Variants in KCNT1 observed in about 807,000 individuals in gnomAD.
The protein encoded by KCNT1 is potassium sodium-activated channel subfamily T member 1.
KCNT1 carries 78 observed loss-of-function variants against 147.8 expected under a neutral mutation model. That is an observed-to-expected ratio of 0.53 (90% confidence interval 0.44 to 0.64). The LOEUF (loss-of-function observed/expected upper bound fraction) is 0.64, where lower values mean the gene tolerates loss of function less well. Among genes scored for constraint, KCNT1 ranks in the 30% least tolerant of loss-of-function variants. The probability of loss-of-function intolerance (pLI) is 0.00; values close to 1 mark genes in which losing one functional copy is unlikely to be tolerated. For synonymous variants in KCNT1, 867 were observed against 748.8 expected, an observed-to-expected ratio of 1.16 and a Z score of -2.58; for missense variants, 1,419 against 1,750.3, an observed-to-expected ratio of 0.81 and a Z score of 3.38.
intron 2 of KCNT1, among the ~76,000 whole-genome samples, chr9:135,728,523 T>A (rs1387257450): frequency 6.6e-6 from 1 of 152,054 alleles, no homozygotes; most frequent in Non-Finnish European, 1.5e-5. Flanking sequence ...CCTGATTAGG[T>A]CTCCCAAGAC....
At position 135,750,180 on chromosome 9, in the gene KCNT1, G is replaced by A. The variant is rs538356990; in HGVS notation, c.334+3G>A. The A allele has an allele frequency of 5.6e-6, 9 of 1,612,848 alleles. No individual in the cohort carries two copies. Among genetic ancestry groups the A allele is most frequent in the South Asian group, 3.3e-5 (3 of 91,036 alleles). ...CTTCATCAAAAACCAAAGATCGAGTGAGTGGGGTGCCTGGAGGGCCACTCC... is the reference window on the plus strand; with the variant it reads ...CTTCATCAAAAACCAAAGATCGAGTAAGTGGGGTGCCTGGAGGGCCACTCC... On this transcript the variant is annotated splice_donor_region_variant and intron_variant, in intron 3 of 30. Coordinates refer to ENST00000371757, the MANE Select transcript of KCNT1 (RefSeq NM_020822.3).
At chr9:135,721,028 T>C (rs1835903261) in intron 2 of KCNT1, among the ~76,000 whole-genome samples, 1 of 151,934 alleles carries the variant, frequency 6.6e-6, no homozygotes, top group Non-Finnish European at 1.5e-5. Flanking sequence ...GCAGTGGTGG[T>C]TTAGGGGCCG....
At chr9:135,718,081 G>T (rs117327065) in intron 2 of KCNT1, among the ~76,000 whole-genome samples, 1 of 152,220 alleles carries the variant, frequency 6.6e-6, no homozygotes, top group Admixed American at 6.5e-5. Context: ...GGGATCAGCC[G>T]CTTGGAGGAC....
At chr9:135,724,240 C>T (rs1017611749) in intron 2 of KCNT1, among the ~76,000 whole-genome samples, 3 of 152,234 alleles carry the variant, frequency 2.0e-5, no homozygotes, top group African/African-American at 7.2e-5. Context: ...TGCTTTTCAT[C>T]CCCGGAGGCC....
At chr9:135,785,235 C>G (rs1422704407) in intron 27 of KCNT1, 75 bp from the exon 28 acceptor site, 1 of 1,591,022 alleles carries the variant, frequency 6.3e-7, no homozygotes, top group Non-Finnish European at 8.6e-7. Context: ...ATGTTCCGTG[C>G]AGACCCCAGG....
chr9:135,705,774 T>C (rs140525080), intron 1 of KCNT1, among the ~76,000 whole-genome samples: 1 of 152,196 alleles, frequency 6.6e-6, no homozygotes, highest in South Asian at 2.1e-4. Context: ...AGACCAGTAC[T>C]AGCAGCTGGC....
At chr9:135,706,407 GC>G (rs1212710382) in intron 1 of KCNT1, among the ~76,000 whole-genome samples, 2 of 152,250 alleles carry the variant, frequency 1.3e-5, no homozygotes, top group Non-Finnish European at 2.9e-5. Flanking sequence ...ATGGCCCACG[GC>G]CCCCAGGGGT....
At chr9:135,709,472 G>A (rs577561713) in intron 1 of KCNT1, among the ~76,000 whole-genome samples, 3 of 152,218 alleles carry the variant, frequency 2.0e-5, no homozygotes, top group Non-Finnish European at 4.4e-5. Flanking sequence ...GAGGACCCAC[G>A]ATTCCATCAT....
intron 6 of KCNT1, 75 bp from the exon 7 acceptor site, chr9:135,756,798 C>T (rs1036899860): frequency 7.3e-6 from 9 of 1,231,366 alleles, no homozygotes; most frequent in African/African-American, 4.5e-5. Context: ...GGTACCTGCC[C>T]GCGAGGCCTG....
chr9:135,788,364 C>T (rs1419253612), intron 29 of KCNT1, among the ~76,000 whole-genome samples: 1 of 152,244 alleles, frequency 6.6e-6, no homozygotes, highest in Non-Finnish European at 1.5e-5. Context: ...GAGGACGGGC[C>T]TGAGGCTGAG....
intron 7 of KCNT1, 72 bp from the exon 8 acceptor site, chr9:135,757,084 C>A (rs1375231370): frequency 5.5e-6 from 5 of 909,380 alleles, no homozygotes; most frequent in Admixed American, 4.1e-5. Flanking sequence ...CTCTTCCCCA[C>A]CCTGCCCCTC....
At chr9:135,774,557 CTGTG>C (rs529827442) in intron 19 of KCNT1, among the ~76,000 whole-genome samples, 3 of 128,248 alleles carry the variant, frequency 2.3e-5, no homozygotes, top group Non-Finnish European at 4.9e-5. Flanking sequence ...GTTGTGTGGT[CTGTG>C]TGGTGTGTCT....
chr9:135,707,815 A>G (rs1273458741), intron 1 of KCNT1, among the ~76,000 whole-genome samples: 1 of 152,148 alleles, frequency 6.6e-6, no homozygotes, highest in Non-Finnish European at 1.5e-5. Context: ...GCTGGGAGAA[A>G]GCTGCTCTGA....
intron 2 of KCNT1, among the ~76,000 whole-genome samples, chr9:135,733,171 G>T (rs1197520178): frequency 1.3e-5 from 2 of 151,272 alleles, no homozygotes; most frequent in African/African-American, 4.9e-5. Flanking sequence ...GGTTAGTGCA[G>T]CCCTCATACC....
At chr9:135,704,323 C>T (rs1835162439) in intron 1 of KCNT1, among the ~76,000 whole-genome samples, 1 of 152,198 alleles carries the variant, frequency 6.6e-6, no homozygotes, top group Non-Finnish European at 1.5e-5. Flanking sequence ...TTGGACACCC[C>T]ACCCCACTCC....
At chr9:135,712,715 A>G (rs1835552295) in intron 1 of KCNT1, among the ~76,000 whole-genome samples, 1 of 151,982 alleles carries the variant, frequency 6.6e-6, no homozygotes, top group South Asian at 2.1e-4. Context: ...CCCAGCCCTC[A>G]GCCAACACAA....
At chr9:135,787,232 A>AGCCCCCTCTCTCTGCGCC (rs1834127480) in intron 29 of KCNT1, among the ~76,000 whole-genome samples, 1 of 152,204 alleles carries the variant, frequency 6.6e-6, no homozygotes, top group Non-Finnish European at 1.5e-5. Flanking sequence ...AGATCCGTGC[A>AGCCCCCTCTCTCTGCGCC]GCCCCCTCTC....
chr9:135,752,903 G>A lies in KCNT1; in HGVS notation c.435-1034G>A, dbSNP rs1588313605. Among the ~76,000 whole-genome samples the A allele has an allele frequency of 6.6e-6, 1 of 151,598 alleles. No individual in the cohort carries two copies. Among genetic ancestry groups the A allele is most frequent in the East Asian group, 2.0e-4 (1 of 5,122 alleles). Reference sequence around the variant, plus strand: ...GGAGAGATGAGCAGAAGGATGGAGGGATGAGTGGATGGATGATGGATGGAT... The same window carrying A: ...GGAGAGATGAGCAGAAGGATGGAGGAATGAGTGGATGGATGATGGATGGAT... On this transcript the variant is annotated intron_variant, in intron 4 of 30. Transcript: ENST00000371757. The surrounding 1 kb of genome is among the most constrained non-coding windows in gnomAD (Gnocchi z 5.1).
intron 29 of KCNT1, chr9:135,790,480 TGTGC>T (rs1834412692): frequency 1.3e-5 from 2 of 152,340 alleles, no homozygotes; most frequent in South Asian, 4.1e-4. Context: ...CCTGCCGCCG[TGTGC>T]GAAAGGCCTG....
Sources: allele counts gnomAD v4.1 joint callset (sites outside exome capture counted in the v4.1 genomes callset), GRCh38; gene constraint gnomAD v4.1.1; non-coding constraint Gnocchi (gnomAD v3.1); transcripts MANE v1.5; gene names NCBI Gene and HGNC (gene_info 2026-07-23, HGNC 2026-07-21).